Variants in GULP1 observed in about 807,000 individuals in gnomAD.
GULP1 encodes the protein GULP PTB domain containing engulfment adaptor 1, also known as PTB domain-containing engulfment adapter protein 1.
Under a neutral mutation model 40.9 loss-of-function variants are expected in GULP1, and 19 were observed. The observed-to-expected ratio is 0.46, with a 90% CI of 0.32 to 0.68. The LOEUF (loss-of-function observed/expected upper bound fraction) is 0.68, where lower values mean the gene tolerates loss of function less well. Among genes scored for constraint, GULP1 ranks in the 30% least tolerant of loss-of-function variants. GULP1 has a pLI of 0.03. For missense variants in GULP1, 312 were observed against 362.2 expected (o/e 0.86, Z 1.12); for synonymous variants, 119 against 117.6 (o/e 1.01, Z -0.08).
At chr2:188,534,145 C>A (rs1175466248) in intron 6 of GULP1, among the ~76,000 whole-genome samples, 1 of 152,018 alleles carries the variant, frequency 6.6e-6, no homozygotes, top group Non-Finnish European at 1.5e-5. Flanking sequence ...TGGTATATAT[C>A]CAAAAGAAAA....
intron 1 of GULP1, among the ~76,000 whole-genome samples, chr2:188,366,259 C>T (rs992298917): frequency 6.6e-6 from 1 of 151,878 alleles, no homozygotes; most frequent in Non-Finnish European, 1.5e-5. Flanking sequence ...CCCAAACACC[C>T]CATAAAAACA....
intron 1 of GULP1, among the ~76,000 whole-genome samples, chr2:188,311,188 GGT>G (rs901211104): frequency 6.6e-6 from 1 of 152,014 alleles, no homozygotes; most frequent in Non-Finnish European, 1.5e-5. Flanking sequence ...GTTGGTTATT[GGT>G]TTCCACAAAT....
At chr2:188,478,249 A>G (rs1171443833) in intron 3 of GULP1, among the ~76,000 whole-genome samples, 3 of 152,130 alleles carry the variant, frequency 2.0e-5, no homozygotes, top group African/African-American at 7.2e-5. Context: ...AATGTAGTAT[A>G]TTATAGTGAT....
chr2:188,522,708 G>C, intron 4 of GULP1, 48 bp from the exon 5 acceptor site: 1 of 1,108,396 alleles, frequency 9.0e-7, no homozygotes, highest in Non-Finnish European at 1.4e-6. Flanking sequence ...ATGATGCAAT[G>C]ATATATGATA....
At chr2:188,527,540 A>T (rs73042427) in intron 5 of GULP1, among the ~76,000 whole-genome samples, 3,369 of 152,292 alleles carry the variant, frequency 0.022, 112 homozygotes, top group African/African-American at 0.076. Flanking sequence ...ATTTTTAAAG[A>T]TCTACACTCA....
chr2:188,466,297 C>CCT (rs2060117612), intron 2 of GULP1, among the ~76,000 whole-genome samples: 1 of 151,362 alleles, frequency 6.6e-6, no homozygotes, highest in African/African-American at 2.4e-5. Flanking sequence ...TTTTTTCCCC[C>CCT]CCCGGAGTCT....
chr2:188,385,501 G>T (rs917392905), intron 2 of GULP1, among the ~76,000 whole-genome samples: 1 of 152,156 alleles, frequency 6.6e-6, no homozygotes, highest in Admixed American at 6.6e-5. Context: ...CCATTATCTT[G>T]ATGATTAACA....
At chr2:188,577,673 T>G (rs1214161446) in intron 9 of GULP1, among the ~76,000 whole-genome samples, 1 of 152,148 alleles carries the variant, frequency 6.6e-6, no homozygotes, top group Non-Finnish European at 1.5e-5. Context: ...ACTTGAAAGA[T>G]TCTTGTGAAA....
chr2:188,537,424 G>T (rs1448391172), intron 6 of GULP1, among the ~76,000 whole-genome samples: 1 of 151,888 alleles, frequency 6.6e-6, no homozygotes, highest in African/African-American at 2.4e-5. Context: ...AGGCTTTTTC[G>T]ACTTCTGTTG....
At chr2:188,365,035 T>C (rs755558375) in intron 1 of GULP1, among the ~76,000 whole-genome samples, 6 of 152,028 alleles carry the variant, frequency 3.9e-5, no homozygotes, top group Non-Finnish European at 7.4e-5. Context: ...GTGATCTAAG[T>C]TCTGGAGGCA....
intron 3 of GULP1, 28 bp downstream of exon 3, chr2:188,477,758 G>A (rs775355361): frequency 7.7e-6 from 12 of 1,565,954 alleles, no homozygotes; most frequent in South Asian, 1.2e-5. Flanking sequence ...TTAAAACTTG[G>A]GAGTCAAGCC....
rs372194969 is a variant in GULP1, at chr2:188,342,841, G to T, written c.-171-40922G>T. 5.1e-4 allele frequency among the ~76,000 whole-genome samples: 78 copies of T among 152,210 alleles called. No homozygotes were observed. The Middle Eastern group carries it at 0.014, about 27-fold the overall frequency. ...TATTCCCAGGATATATACTATTACAGATGTACTTTTAGTTCCTCATCACTT... is the reference window on the plus strand; with the variant it reads ...TATTCCCAGGATATATACTATTACATATGTACTTTTAGTTCCTCATCACTT... On this transcript the variant is annotated intron_variant, in intron 1 of 11. Coordinates refer to ENST00000409830, the MANE Select transcript of GULP1 (RefSeq NM_016315.4).
At chr2:188,458,765 G>T (rs1482289965) in intron 2 of GULP1, among the ~76,000 whole-genome samples, 1 of 151,886 alleles carries the variant, frequency 6.6e-6, no homozygotes, top group Non-Finnish European at 1.5e-5. Context: ...CAAATGGTAG[G>T]TCTTATTCAT....
At chr2:188,478,043 T>G (rs962599615) in intron 3 of GULP1, among the ~76,000 whole-genome samples, 5 of 152,108 alleles carry the variant, frequency 3.3e-5, no homozygotes, top group African/African-American at 1.2e-4. Flanking sequence ...TTAGCTTATG[T>G]AGCCATATAA....
In GULP1 at chr2:188,457,822, C is replaced by T. The variant is rs183817513; in HGVS notation, c.-44-19837C>T. ...GCAAACAATATGGCTGGAACAAACC[C>T]CCCACACATGCATTCCCTCATACAA... On this transcript the variant is annotated intron_variant, in intron 2 of 11. Coordinates refer to ENST00000409830, the MANE Select transcript of GULP1 (RefSeq NM_016315.4). 9.0e-3 allele frequency among the ~76,000 whole-genome samples: 1,363 copies of T among 152,230 alleles called. 9 individuals carry two copies. Among genetic ancestry groups the T allele is most frequent in the Non-Finnish European group, 0.014 (946 of 68,004 alleles).
At chr2:188,408,103 A>G (rs2053374329) in intron 2 of GULP1, among the ~76,000 whole-genome samples, 1 of 152,120 alleles carries the variant, frequency 6.6e-6, no homozygotes, top group Non-Finnish European at 1.5e-5. Context: ...AGATGAGGTT[A>G]TCAGGGTGAG....
intron 2 of GULP1, among the ~76,000 whole-genome samples, chr2:188,431,112 G>C (rs571046079): frequency 5.4e-4 from 82 of 152,236 alleles, no homozygotes; most frequent in African/African-American, 1.9e-3. Flanking sequence ...CAACCAGTCT[G>C]TCTTTTTTGA....
At chr2:188,444,737 G>C (rs2058237289) in intron 2 of GULP1, among the ~76,000 whole-genome samples, 1 of 152,130 alleles carries the variant, frequency 6.6e-6, no homozygotes, top group Admixed American at 6.5e-5. Context: ...TAGATTATAA[G>C]CAGTCAGTAC....
intron 3 of GULP1, among the ~76,000 whole-genome samples, chr2:188,478,190 C>G (rs1286905773): frequency 6.6e-6 from 1 of 151,782 alleles, no homozygotes. Flanking sequence ...AGCAATGAGG[C>G]CACAATAAGT....
Sources: gnomAD v4.1 joint callset for allele counts (sites outside exome capture counted in the v4.1 genomes callset) on GRCh38, gnomAD v4.1.1 for gene constraint, MANE v1.5 for transcripts, NCBI Gene and HGNC (gene_info 2026-07-23, HGNC 2026-07-21) for gene names.